Variants in GTPBP10 observed in about 807,000 individuals in gnomAD.
The protein encoded by GTPBP10 is GTP-binding protein 10.
Under a neutral mutation model 44.8 loss-of-function variants are expected in GTPBP10, and 38 were observed. That is an observed-to-expected ratio of 0.85 (90% CI 0.65 to 1.11). GTPBP10 has a LOEUF of 1.11. GTPBP10 is among the 50% of genes most tolerant of loss of function. The pLI is 0.00. For missense variants in GTPBP10, 462 were observed against 453.7 expected, an observed-to-expected ratio of 1.02 and a Z score of -0.17; for synonymous variants, 152 against 150.6, an observed-to-expected ratio of 1.01 and a Z score of -0.07.
rs1244892994 is a variant in GTPBP10 at position 90,378,162 on chromosome 7, C to T, written c.728C>T (p.Ser243Phe). 6.2e-7 allele frequency: 1 copy of T among 1,613,002 alleles called. No individual in the cohort carries two copies. The highest frequency in any genetic ancestry group is 8.5e-7 in the Non-Finnish European group (1 of 1,179,488). Residue 243 changes from serine to phenylalanine, a missense_variant, in exon 8 of 10, where the codon TCT becomes TTT. Physicochemically the swap from Ser to Phe is radical, Grantham distance 155. Coordinates refer to ENST00000222511, the MANE Select transcript of GTPBP10 (RefSeq NM_033107.4). The stretch of plus-strand genomic sequence containing the variant: ...GATATTTCTGGATTTCAGCTTTCTT[C>T]TCACACTCAATACAGGACAGCTTTT... The part of the protein sequence containing the change: ...VVDISGFQLS[S>F]HTQYRTAFET...
intron 4 of GTPBP10, among the ~76,000 whole-genome samples, chr7:90,370,962 C>T (rs937311493): frequency 7.9e-5 from 12 of 151,388 alleles, no homozygotes; most frequent in Non-Finnish European, 1.5e-4. Context: ...GCCAAGATCA[C>T]GCCACTGCAC....
intron 4 of GTPBP10, among the ~76,000 whole-genome samples, chr7:90,359,214 T>C (rs948221385): frequency 1.3e-5 from 2 of 152,048 alleles, no homozygotes; most frequent in African/African-American, 2.4e-5. Context: ...CTTACATAGG[T>C]ATACATGCGC....
chr7:90,359,624 C>T (rs1584632152), intron 4 of GTPBP10, among the ~76,000 whole-genome samples: 1 of 152,156 alleles, frequency 6.6e-6, no homozygotes, highest in Admixed American at 6.5e-5. Flanking sequence ...GTCTTTATAG[C>T]AGCATGATTT....
chr7:90,361,784 A>G (rs1488130386), intron 4 of GTPBP10, among the ~76,000 whole-genome samples: 1 of 152,144 alleles, frequency 6.6e-6, no homozygotes, highest in Non-Finnish European at 1.5e-5. Flanking sequence ...TTGGTAGGCT[A>G]TTAATTATTG....
chr7:90,352,871 TG>T lies in GTPBP10; in HGVS notation c.92del (p.Gly31ValfsTer5). ...TTCACCAGGGGAGGATCCGGTGGAA[TG>T]GGTTATCCTCGTTTAGGTGGAGAAG... ...RLFTRGGSGG[M>X]GYPRLGGEGG... On this transcript the variant is annotated frameshift_variant, in exon 2 of 10. Transcript: ENST00000222511. LOFTEE classifies it high-confidence loss of function. The T allele has an allele frequency of 6.2e-7, 1 of 1,613,902 alleles. No individual in the cohort carries two copies. The highest frequency in any genetic ancestry group is 8.5e-7 in the Non-Finnish European group (1 of 1,179,898).
intron 1 of GTPBP10, among the ~76,000 whole-genome samples, chr7:90,352,112 G>T (rs902601876): frequency 6.6e-6 from 1 of 152,190 alleles, no homozygotes; most frequent in Non-Finnish European, 1.5e-5. Flanking sequence ...AGGAAAAAAT[G>T]CCTAAACACT....
chr7:90,366,229 T>TTGTTGTTGC (rs1242125622), intron 4 of GTPBP10, among the ~76,000 whole-genome samples: 2 of 146,022 alleles, frequency 1.4e-5, no homozygotes, highest in Admixed American at 6.7e-5. Flanking sequence ...AATTCTCTTT[T>TTGTTGTTGC]TGTTGTTGTT....
chr7:90,354,426 A>G (rs1354472755), intron 2 of GTPBP10, 32 bp from the exon 3 acceptor site: 4 of 1,135,696 alleles, frequency 3.5e-6, no homozygotes, highest in Non-Finnish European at 5.1e-6. Flanking sequence ...ACACACACAC[A>G]TACATACATA....
Position 90,374,350 on chromosome 7 carries a change from A to C in GTPBP10, c.587A>C (p.Lys196Thr). Residue 196 changes from lysine to threonine, a missense_variant, in exon 6 of 10, where the codon AAA becomes ACA. Lys to Thr is a moderately conservative substitution (Grantham distance 78, BLOSUM62 -1). Transcript: ENST00000222511. ...GGAAAGATAATGTACAGTGATTTCAAACAGGTAGGTATTTTTAAAGTAAAA... is the reference window on the plus strand; with the variant it reads ...GGAAAGATAATGTACAGTGATTTCACACAGGTAGGTATTTTTAAAGTAAAA... ...ELGKIMYSDF[K>T]QISVADLPGL... 2.5e-6 allele frequency: 4 copies of C among 1,583,296 alleles called. No individual in the cohort carries two copies. Among genetic ancestry groups the C allele is most frequent in the Non-Finnish European group, 3.5e-6 (4 of 1,152,898 alleles).
chr7:90,359,918 T>C (rs925692187), intron 4 of GTPBP10, among the ~76,000 whole-genome samples: 15 of 152,250 alleles, frequency 9.9e-5, no homozygotes, highest in Non-Finnish European at 2.1e-4. Context: ...CATATGTTTG[T>C]TGGATGCATA....
rs994539756 is a variant in GTPBP10, at chr7:90,383,988, C to G, written c.902-904C>G. On this transcript the variant is annotated intron_variant, in intron 9 of 9. Transcript: ENST00000222511. ...CATGGGATATAAATATTCTCTGATA[C>G]TAAATAGCCTTCATTCCTAATGACA... Among the ~76,000 whole-genome samples the G allele has an allele frequency of 4.6e-5, 7 of 152,170 alleles. No homozygotes were observed. In the East Asian group the frequency reaches 1.3e-3, roughly 29 times the overall value.
At position 90,385,746 on chromosome 7, in the gene GTPBP10, G is replaced by A. The variant is rs1796514213; in HGVS notation, c.*592G>A. 1 of 151,720 alleles carries A rather than the reference G, an allele frequency of 6.6e-6. No homozygotes were observed. Among genetic ancestry groups the A allele is most frequent in the Non-Finnish European group, 1.5e-5 (1 of 67,990 alleles). The allele number at this position is 151,720 out of a possible 1,614,324, so 9.4% of individuals were successfully genotyped here. Reference sequence around the variant, plus strand: ...TTTAAAGTTATTATTTTGTAATTAAGTATGTCAACAGTAAAAAATAACCAG... The same window carrying A: ...TTTAAAGTTATTATTTTGTAATTAAATATGTCAACAGTAAAAAATAACCAG... On this transcript the variant is annotated 3_prime_UTR_variant, in exon 10 of 10. Transcript: ENST00000222511.
rs932296879 is a variant in GTPBP10 at position 90,385,962 on chromosome 7, A to C, written c.*808A>C. On this transcript the variant is annotated 3_prime_UTR_variant, in exon 10 of 10. Transcript: ENST00000222511. ...GTAGCCCCAGCTACTCAAGAGGCTG[A>C]GGCAGGAGAATTGCTTGAACGCGGG... is the stretch of plus-strand genomic sequence containing the variant. The C allele has an allele frequency of 2.0e-5, 3 of 152,160 alleles. No homozygotes were observed. The highest frequency in any genetic ancestry group is 7.2e-5 in the African/African-American group (3 of 41,428). The allele number at this position is 152,160 out of a possible 1,614,324, so 9.4% of individuals were successfully genotyped here. A position where few individuals can be genotyped will look rare whatever the true frequency, so the allele number is the denominator to read the frequency against.
chr7:90,378,025 G>C (rs1255335946), intron 7 of GTPBP10, 109 bp from the exon 8 acceptor site: 1 of 1,337,874 alleles, frequency 7.5e-7, no homozygotes, highest in African/African-American at 1.5e-5. Flanking sequence ...AACAAGTAGA[G>C]TATAGAGAAA....
intron 4 of GTPBP10, among the ~76,000 whole-genome samples, chr7:90,367,152 C>G (rs1448807285): frequency 6.6e-6 from 1 of 152,166 alleles, no homozygotes; most frequent in Non-Finnish European, 1.5e-5. Context: ...GTCTGAGAGA[C>G]AGTTTCTTGT....
chr7:90,359,308 CT>C (rs1795967929), intron 4 of GTPBP10, among the ~76,000 whole-genome samples: 1 of 152,084 alleles, frequency 6.6e-6, no homozygotes, highest in South Asian at 2.1e-4. Context: ...CCCCCACCCC[CT>C]GACAGGCCCT....
intron 2 of GTPBP10, 66 bp downstream of exon 2, chr7:90,353,075 T>A: frequency 9.5e-7 from 1 of 1,051,630 alleles, no homozygotes; most frequent in Non-Finnish European, 1.3e-6. Flanking sequence ...TTTTTTTAGT[T>A]ACAAAATAAA....
intron 4 of GTPBP10, among the ~76,000 whole-genome samples, chr7:90,357,852 G>A (rs1400014560): frequency 6.6e-6 from 1 of 152,076 alleles, no homozygotes; most frequent in African/African-American, 2.4e-5. Flanking sequence ...CCTTTAAAAT[G>A]AGCATGTATT....
At position 90,378,197 on chromosome 7, in the gene GTPBP10, A is replaced by T. The variant is rs1173788604; in HGVS notation, c.763A>T (p.Ile255Leu). The T allele has an allele frequency of 1.2e-6, 2 of 1,612,630 alleles. No homozygotes were observed. Among genetic ancestry groups the T allele is most frequent in the Non-Finnish European group, 1.7e-6 (2 of 1,179,258 alleles). Reference protein sequence around the residue: ...TQYRTAFETIILLTKELELYK... With the variant: ...TQYRTAFETILLLTKELELYK... ...ATACAGGACAGCTTTTGAAACCATA[A>T]TACTGCTTACAAAAGTAGGTTTTCT... The change falls in exon 8 of 10, where the codon ATA becomes TTA. Residue 255 changes from isoleucine to leucine, a missense_variant. Transcript: ENST00000222511.
Sources: gnomAD v4.1 joint callset for allele counts (sites outside exome capture counted in the v4.1 genomes callset) on GRCh38, gnomAD v4.1.1 for gene constraint, MANE v1.5 for transcripts, NCBI Gene and HGNC (gene_info 2026-07-23, HGNC 2026-07-21) for gene names.